SND1: variants seen among roughly 807,000 people sequenced by gnomAD.
SND1 encodes staphylococcal nuclease and tudor domain containing 1.
In SND1, 38 loss-of-function variants were observed where a neutral mutation model predicts 121.7. That is an observed-to-expected ratio of 0.31 (90% CI 0.24 to 0.41). The LOEUF is 0.41. SND1 is among the 10% of genes least tolerant of loss of function. The pLI is 1.00. For missense variants in SND1, 868 were observed against 1,184.6 expected, an observed-to-expected ratio of 0.73 and a Z score of 3.92; for synonymous variants, 401 against 447.4, an observed-to-expected ratio of 0.90 and a Z score of 1.31.
intron 16 of SND1, among the ~76,000 whole-genome samples, chr7:128,054,596 G>C (rs1209784662): frequency 6.6e-6 from 1 of 152,166 alleles, no homozygotes; most frequent in Non-Finnish European, 1.5e-5. Context: ...TGGCATGTCT[G>C]GCCCTTTGAC....
At chr7:127,808,823 C>T (rs967144066) in intron 11 of SND1, among the ~76,000 whole-genome samples, 1 of 152,218 alleles carries the variant, frequency 6.6e-6, no homozygotes, top group Non-Finnish European at 1.5e-5. Context: ...ATCTCTATTA[C>T]ACCAAGTTGA....
At chr7:127,935,851 T>C (rs1801050629) in intron 15 of SND1, among the ~76,000 whole-genome samples, 1 of 152,222 alleles carries the variant, frequency 6.6e-6, no homozygotes, top group Admixed American at 6.5e-5. Flanking sequence ...AAGATAATTA[T>C]TGGGAGCAGT....
chr7:127,990,802 A>AT, intron 15 of SND1, 145 bp from the exon 16 acceptor site: 3 of 611,798 alleles, frequency 4.9e-6, no homozygotes, highest in East Asian at 5.6e-5. Flanking sequence ...CACTTCTCCC[A>AT]TTACCTCTGT....
intron 15 of SND1, among the ~76,000 whole-genome samples, chr7:127,962,016 T>G (rs1801743426): frequency 6.6e-6 from 1 of 152,178 alleles, no homozygotes; most frequent in Admixed American, 6.5e-5. Flanking sequence ...ATTGCACAAC[T>G]CTTAGAAATG....
chr7:127,719,724 T>C (rs1796456645), intron 9 of SND1, among the ~76,000 whole-genome samples: 2 of 152,248 alleles, frequency 1.3e-5, no homozygotes, highest in African/African-American at 2.4e-5. Flanking sequence ...CTTAGAACTT[T>C]CATTACTTTT....
At chr7:127,776,436 G>A (rs181484205) in intron 10 of SND1, among the ~76,000 whole-genome samples, 13 of 152,052 alleles carry the variant, frequency 8.5e-5, no homozygotes, top group East Asian at 1.9e-4. Flanking sequence ...TAACATCAGA[G>A]ACAAGATTAA....
At chr7:127,902,264 A>T (rs1343694404) in intron 13 of SND1, among the ~76,000 whole-genome samples, 2 of 152,124 alleles carry the variant, frequency 1.3e-5, no homozygotes, top group Admixed American at 6.5e-5. Flanking sequence ...TACAGAACAG[A>T]TCTATTTATT....
chr7:127,865,968 A>G (rs1368491594), intron 12 of SND1, among the ~76,000 whole-genome samples: 5 of 146,282 alleles, frequency 3.4e-5, no homozygotes, highest in Admixed American at 2.1e-4. Flanking sequence ...GTATCATCTT[A>G]CTCTCATTTC....
chr7:127,872,858 T>C (rs546189996), intron 12 of SND1, among the ~76,000 whole-genome samples: 2 of 152,296 alleles, frequency 1.3e-5, no homozygotes, highest in Non-Finnish European at 2.9e-5. Flanking sequence ...TGAATGTAGT[T>C]GGGGAGTCAT....
intron 15 of SND1, among the ~76,000 whole-genome samples, chr7:127,938,196 T>C (rs1801102356): frequency 6.6e-6 from 1 of 152,228 alleles, no homozygotes. Context: ...ATTATAAGAA[T>C]TATGTTCATG....
intron 12 of SND1, among the ~76,000 whole-genome samples, chr7:127,861,600 A>G (rs1563039208): frequency 6.6e-6 from 1 of 151,984 alleles, no homozygotes. Flanking sequence ...TCAGCCTCCC[A>G]AGTAGCTGGG....
At chr7:128,084,882 G>C (rs768269277) in intron 19 of SND1, 35 bp downstream of exon 19, 301 of 1,572,500 alleles carry the variant, frequency 1.9e-4, no homozygotes, top group Non-Finnish European at 8.1e-5. Context: ...AGAGTCTTGA[G>C]CAGGAACGAT....
chr7:127,941,814 C>T (rs1801211012), intron 15 of SND1, among the ~76,000 whole-genome samples: 1 of 151,610 alleles, frequency 6.6e-6, no homozygotes, highest in African/African-American at 2.4e-5. Context: ...CTTCTAAGGC[C>T]CTGATGTATT....
chr7:128,026,013 T>C (rs1485459164), intron 16 of SND1, among the ~76,000 whole-genome samples: 1 of 146,504 alleles, frequency 6.8e-6, no homozygotes, highest in African/African-American at 2.7e-5. Context: ...CTCAAATAGC[T>C]GTCAAAAAAA....
At chr7:127,945,254 A>T (rs1256906747) in intron 15 of SND1, among the ~76,000 whole-genome samples, 1 of 152,222 alleles carries the variant, frequency 6.6e-6, no homozygotes, top group Non-Finnish European at 1.5e-5. Flanking sequence ...GCACTTTGGG[A>T]GGCCGAGGTG....
intron 15 of SND1, among the ~76,000 whole-genome samples, chr7:127,980,899 C>G (rs1438923032): frequency 6.6e-6 from 1 of 151,256 alleles, no homozygotes; most frequent in African/African-American, 2.4e-5. Flanking sequence ...AAATTTTTCT[C>G]TTTATCAATT....
In SND1 at chr7:127,666,137, C is replaced by T. The variant is rs555399446; in HGVS notation, c.78+13686C>T. The stretch of plus-strand genomic sequence containing the variant: ...GCTTTAGAATCTCCTGAGACCTCCC[C>T]ACAAGCTCTCAGCAGGACACAGGTC... On this transcript the variant is annotated intron_variant, in intron 1 of 23. Coordinates refer to ENST00000354725, the MANE Select transcript of SND1 (RefSeq NM_014390.4). 3.9e-5 allele frequency among the ~76,000 whole-genome samples: 6 copies of T among 152,324 alleles called. No individual in the cohort carries two copies. The South Asian group carries it at 1.2e-3, about 32-fold the overall frequency.
rs1792531079 is a variant in SND1, at chr7:128,029,936, A to G, written c.1779+38880A>G. ...GGGAGCTCAGGCCATGGAAGGAGCC[A>G]GGCCTGATCTCAGGGAAGTGGTTCC... On this transcript the variant is annotated intron_variant, in intron 16 of 23. Coordinates refer to ENST00000354725, the MANE Select transcript of SND1 (RefSeq NM_014390.4). The surrounding 1 kb of genome is among the most constrained non-coding windows in gnomAD (Gnocchi z 4.2). 2 of 1,613,086 alleles carry G rather than the reference A, an allele frequency of 1.2e-6. No individual in the cohort carries two copies. The highest frequency in any genetic ancestry group is 2.2e-5 in the East Asian group (1 of 44,894).
chr7:127,821,744 A>G (rs1042632595), intron 11 of SND1, among the ~76,000 whole-genome samples: 4 of 152,202 alleles, frequency 2.6e-5, no homozygotes, highest in Non-Finnish European at 5.9e-5. Flanking sequence ...CGTAGAAAGC[A>G]CATATATGGA....
Sources: allele counts gnomAD v4.1 joint callset (sites outside exome capture counted in the v4.1 genomes callset), GRCh38; gene constraint gnomAD v4.1.1; non-coding constraint Gnocchi (gnomAD v3.1); transcripts MANE v1.5; gene names NCBI Gene and HGNC (gene_info 2026-07-23, HGNC 2026-07-21).